FSHR: variants seen among roughly 807,000 people sequenced by gnomAD.
FSHR encodes the protein follicle stimulating hormone receptor.
In FSHR, 46 loss-of-function variants were observed where a neutral mutation model predicts 52.1. The observed-to-expected ratio is 0.88, with a 90% confidence interval of 0.70 to 1.13. The LOEUF is 1.13. Among genes scored for constraint, FSHR ranks in the 50% most tolerant of loss-of-function variants. The probability of loss-of-function intolerance (pLI) is 0.00; values close to 1 mark genes in which losing one functional copy is unlikely to be tolerated. For missense variants in FSHR, 964 were observed against 834.6 expected, an observed-to-expected ratio of 1.16 and a Z score of -1.91; for synonymous variants, 399 against 309.6, an observed-to-expected ratio of 1.29 and a Z score of -3.03.
intron 8 of FSHR, among the ~76,000 whole-genome samples, chr2:48,975,515 C>A (rs1674947198): frequency 6.6e-6 from 1 of 152,114 alleles, no homozygotes; most frequent in Non-Finnish European, 1.5e-5. Flanking sequence ...TAGATGGCCT[C>A]CCCGGTTCTG....
At chr2:49,128,019 A>G (rs1672128046) in intron 1 of FSHR, among the ~76,000 whole-genome samples, 2 of 150,792 alleles carry the variant, frequency 1.3e-5, no homozygotes, top group South Asian at 2.1e-4. Flanking sequence ...CAGCCTCCCA[A>G]GTAGCTGGGA....
chr2:49,079,541 T>C (rs1670087876), intron 1 of FSHR, among the ~76,000 whole-genome samples: 1 of 151,906 alleles, frequency 6.6e-6, no homozygotes, highest in Non-Finnish European at 1.5e-5. Flanking sequence ...TCGACAGGGA[T>C]TTAAAAAAAT....
intron 4 of FSHR, among the ~76,000 whole-genome samples, chr2:49,000,026 G>A (rs1676186396): frequency 6.6e-6 from 1 of 152,080 alleles, no homozygotes; most frequent in Non-Finnish European, 1.5e-5. Flanking sequence ...CCATCAGTCA[G>A]CACACTCCAT....
intron 2 of FSHR, among the ~76,000 whole-genome samples, chr2:49,058,078 G>A: frequency 6.6e-6 from 1 of 152,124 alleles, no homozygotes; most frequent in East Asian, 1.9e-4. Flanking sequence ...TTGAGGAAAA[G>A]CTGAAAGCTT....
chr2:49,115,546 G>C (rs914434851), intron 1 of FSHR, among the ~76,000 whole-genome samples: 1 of 152,182 alleles, frequency 6.6e-6, no homozygotes, highest in African/African-American at 2.4e-5. Flanking sequence ...GTAAGGAAAA[G>C]TTTCTCTTGG....
At chr2:49,093,989 A>G (rs1177861043) in intron 1 of FSHR, among the ~76,000 whole-genome samples, 2 of 152,182 alleles carry the variant, frequency 1.3e-5, no homozygotes, top group East Asian at 1.9e-4. Flanking sequence ...CAGATCATTT[A>G]CACATAATTA....
chr2:49,073,535 A>T (rs13020979), intron 1 of FSHR, among the ~76,000 whole-genome samples: 37,497 of 151,890 alleles, frequency 0.25, 4,721 homozygotes, highest in South Asian at 0.3. Context: ...GAACACTAAT[A>T]AAAGAAATTA....
chr2:49,099,407 T>G (rs1670944754), intron 1 of FSHR, among the ~76,000 whole-genome samples: 1 of 152,094 alleles, frequency 6.6e-6, no homozygotes, highest in South Asian at 2.1e-4. Context: ...CCCAGCCATG[T>G]GGAACTGTAA....
At chr2:49,060,343 A>G (rs1669240057) in intron 2 of FSHR, among the ~76,000 whole-genome samples, 1 of 152,302 alleles carries the variant, frequency 6.6e-6, no homozygotes. Context: ...GCAAAAGGAA[A>G]AAAAAACAAA....
intron 1 of FSHR, among the ~76,000 whole-genome samples, chr2:49,144,294 G>A (rs779052013): frequency 5.3e-5 from 8 of 152,122 alleles, no homozygotes; most frequent in East Asian, 1.9e-4. Context: ...CTGCTGCTGC[G>A]GCTATTGTTG....
At chr2:49,092,547 T>C (rs986859024) in intron 1 of FSHR, among the ~76,000 whole-genome samples, 1 of 152,228 alleles carries the variant, frequency 6.6e-6, no homozygotes, top group African/African-American at 2.4e-5. Flanking sequence ...CAAGAATAGA[T>C]ATTGGATTAT....
chr2:49,007,238 G>A (rs1314915266), intron 4 of FSHR, among the ~76,000 whole-genome samples: 1 of 152,092 alleles, frequency 6.6e-6, no homozygotes, highest in Admixed American at 6.6e-5. Context: ...ATGATTCATT[G>A]TGTAGGGACA....
chr2:48,973,547 T>A (rs1055684583), intron 8 of FSHR, among the ~76,000 whole-genome samples: 1 of 152,246 alleles, frequency 6.6e-6, no homozygotes, highest in Non-Finnish European at 1.5e-5. Flanking sequence ...GTTGAAGAAG[T>A]ATTTTTTCCT....
At chr2:49,101,717 A>C (rs559731087) in intron 1 of FSHR, among the ~76,000 whole-genome samples, 2 of 152,284 alleles carry the variant, frequency 1.3e-5, no homozygotes, top group East Asian at 3.9e-4. Flanking sequence ...AGGTTTCAGG[A>C]ATCTGAAAAA....
chr2:49,131,911 T>C (rs1672293840), intron 1 of FSHR, among the ~76,000 whole-genome samples: 1 of 152,192 alleles, frequency 6.6e-6, no homozygotes, highest in African/African-American at 2.4e-5. Flanking sequence ...CCTTTGTTTA[T>C]TCAAGTGTAG....
intron 4 of FSHR, among the ~76,000 whole-genome samples, chr2:49,003,527 G>C (rs914207194): frequency 1.3e-5 from 2 of 152,184 alleles, no homozygotes; most frequent in Middle Eastern, 3.4e-3. Flanking sequence ...GGGGCAGCTG[G>C]GACAATTCAG....
In FSHR at chr2:49,083,365, C is replaced by A. The variant is rs1305549001; in HGVS notation, c.153-15075G>T. On this transcript the variant is annotated intron_variant, in intron 1 of 9. Transcript: ENST00000406846. ...AGGAAGCGCTAAACATGGAAAGGAA[C>A]AACCGGTACCAGCCACTGCAAAATC... 5.3e-5 allele frequency among the ~76,000 whole-genome samples: 8 copies of A among 151,670 alleles called. No homozygotes were observed. In the East Asian group the frequency reaches 1.6e-3, roughly 29 times the overall value.
At chr2:49,017,081 A>G (rs1448343032) in intron 4 of FSHR, among the ~76,000 whole-genome samples, 1 of 152,234 alleles carries the variant, frequency 6.6e-6, no homozygotes, top group Non-Finnish European at 1.5e-5. Context: ...AAAATAAACA[A>G]AATAAAATGC....
rs1479795167 is a variant in FSHR at position 49,021,882 on chromosome 2, TATATAGAGAGAGAGAGAGAGAG to T, written c.225-1744_225-1723del. Among the ~76,000 whole-genome samples the T allele has an allele frequency of 1.2e-3, 54 of 43,918 alleles. 3 individuals are homozygous for T. The highest frequency in any genetic ancestry group is 3.9e-3 in the African/African-American group (49 of 12,518). 28.8% of individuals were successfully genotyped at this position (43,918 alleles called of 152,430 possible). A position where few individuals can be genotyped will look rare whatever the true frequency, so the allele number is the denominator to read the frequency against. ...CTCTCTCTATATATATATATATATA[TATATAGAGAGAGAGAGAGAGAG>T]AGAGAGAGAGAGAGAGAATGAACAC... On this transcript the variant is annotated intron_variant, in intron 2 of 9. Coordinates refer to ENST00000406846, the MANE Select transcript of FSHR (RefSeq NM_000145.4).
Sources: gnomAD v4.1 joint callset for allele counts (sites outside exome capture counted in the v4.1 genomes callset) on GRCh38, gnomAD v4.1.1 for gene constraint, MANE v1.5 for transcripts, NCBI Gene and HGNC (gene_info 2026-07-23, HGNC 2026-07-21) for gene names.